Variants in UNC13C observed in about 807,000 individuals in gnomAD.
UNC13C encodes the protein protein unc-13 homolog C.
In UNC13C, 174 loss-of-function variants were observed where a neutral mutation model predicts 245.4. That is an observed-to-expected ratio of 0.71 (90% CI 0.63 to 0.80). The LOEUF (loss-of-function observed/expected upper bound fraction) is 0.80. UNC13C is among the 30% of genes least tolerant of loss of function. The probability of loss-of-function intolerance (pLI) is 0.00; values close to 1 mark genes in which losing one functional copy is unlikely to be tolerated. For missense variants in UNC13C, 2,829 were observed against 2,602.9 expected (o/e 1.09, Z -1.89); for synonymous variants, 992 against 895.1 (o/e 1.11, Z -1.93).
chr15:53,965,572 T>TTATC, the UNC13C span, among the ~76,000 whole-genome samples: 1 of 144,376 alleles, frequency 6.9e-6, no homozygotes, highest in Non-Finnish European at 1.5e-5. Flanking sequence ...ATTTATTTAT[T>TTATC]ATTATTATTA....
intron 2 of UNC13C, among the ~76,000 whole-genome samples, chr15:54,066,696 G>A (rs1898092084): frequency 6.6e-6 from 1 of 152,174 alleles, no homozygotes; most frequent in African/African-American, 2.4e-5. Flanking sequence ...TCTAGGCAGT[G>A]ATAGGCTATT....
chr15:54,218,084 T>A (rs1465169412), intron 4 of UNC13C, among the ~76,000 whole-genome samples: 1 of 151,950 alleles, frequency 6.6e-6, no homozygotes, highest in African/African-American at 2.4e-5. Context: ...AGTGGAGACA[T>A]TCCCTGTGAA....
At chr15:54,597,897 G>A (rs536059203) in intron 30 of UNC13C, among the ~76,000 whole-genome samples, 1 of 152,122 alleles carries the variant, frequency 6.6e-6, no homozygotes, top group Admixed American at 6.5e-5. Context: ...TTTCAAAATT[G>A]AGGCATTAAA....
At chr15:54,282,586 C>T (rs1175961159) in intron 10 of UNC13C, among the ~76,000 whole-genome samples, 2 of 152,068 alleles carry the variant, frequency 1.3e-5, no homozygotes, top group Admixed American at 1.3e-4. Flanking sequence ...CTTTTGTTGT[C>T]CATGGATGGT....
At chr15:54,527,533 C>A (rs1319580447) in intron 25 of UNC13C, among the ~76,000 whole-genome samples, 2 of 151,968 alleles carry the variant, frequency 1.3e-5, no homozygotes, top group East Asian at 1.9e-4. Flanking sequence ...ATGATAAGTG[C>A]TTTTTGTTTT....
intron 2 of UNC13C, among the ~76,000 whole-genome samples, chr15:54,059,816 A>G (rs975380977): frequency 3.9e-5 from 6 of 152,216 alleles, no homozygotes; most frequent in Non-Finnish European, 8.8e-5. Context: ...AATGCCTCAT[A>G]TCTACAAGTA....
At chr15:54,438,042 A>C (rs1890315677) in intron 19 of UNC13C, among the ~76,000 whole-genome samples, 1 of 151,868 alleles carries the variant, frequency 6.6e-6, no homozygotes, top group South Asian at 2.1e-4. Context: ...GGTAAAATAC[A>C]CTTCAAGTCA....
intron 17 of UNC13C, among the ~76,000 whole-genome samples, chr15:54,367,932 G>C (rs899284192): frequency 6.6e-6 from 1 of 152,122 alleles, no homozygotes; most frequent in African/African-American, 2.4e-5. Flanking sequence ...CATTTGGCTA[G>C]TGGCTACTGT....
Position 54,088,461 on chromosome 15 carries a change from G to C in UNC13C, c.2984-54557G>C, listed in dbSNP as rs138512758. 1.3e-4 allele frequency among the ~76,000 whole-genome samples: 20 copies of C among 152,258 alleles called. No individual in the cohort carries two copies. In the East Asian group the frequency reaches 3.5e-3, roughly 26 times the overall value. ...CAATGTGATTATAGATGCACTTCCA[G>C]ACAAGAGATGCTTTACATCGGATGG... is the stretch of plus-strand genomic sequence containing the variant. On this transcript the variant is annotated intron_variant, in intron 2 of 32. Coordinates refer to ENST00000260323, the MANE Select transcript of UNC13C (RefSeq NM_001080534.3).
intron 4 of UNC13C, among the ~76,000 whole-genome samples, chr15:54,204,617 G>A (rs1228638058): frequency 6.6e-6 from 1 of 151,970 alleles, no homozygotes; most frequent in Non-Finnish European, 1.5e-5. Context: ...CAAGAAAGTT[G>A]TAAAACTTTT....
At chr15:54,586,905 C>A (rs997815949) in intron 30 of UNC13C, among the ~76,000 whole-genome samples, 1 of 152,174 alleles carries the variant, frequency 6.6e-6, no homozygotes, top group Non-Finnish European at 1.5e-5. Context: ...GAAGCAGGAT[C>A]ATCCAGATAA....
intron 29 of UNC13C, 72 bp downstream of exon 29, chr15:54,555,584 T>A: frequency 8.4e-7 from 1 of 1,188,876 alleles, no homozygotes; most frequent in Non-Finnish European, 1.2e-6. Context: ...GTAGCCCTGA[T>A]CTTAGCCATG....
intron 2 of UNC13C, among the ~76,000 whole-genome samples, chr15:54,048,327 T>C (rs1443612042): frequency 6.6e-6 from 1 of 152,202 alleles, no homozygotes; most frequent in Non-Finnish European, 1.5e-5. Flanking sequence ...GTTTCCTCTT[T>C]ACCAAATGTC....
chr15:54,524,089 G>A (rs1376092387), intron 24 of UNC13C, among the ~76,000 whole-genome samples: 1 of 152,146 alleles, frequency 6.6e-6, no homozygotes, highest in Non-Finnish European at 1.5e-5. Context: ...CATATTTTAA[G>A]TCTTTTTAAA....
chr15:54,416,084 A>G (rs1364358922), intron 19 of UNC13C, among the ~76,000 whole-genome samples: 1 of 152,194 alleles, frequency 6.6e-6, no homozygotes, highest in Admixed American at 6.5e-5. Flanking sequence ...GAAGTAAGAC[A>G]GGAGAAATTA....
chr15:53,876,403 G>A, the UNC13C span, among the ~76,000 whole-genome samples: 18 of 152,260 alleles, frequency 1.2e-4, no homozygotes, highest in Non-Finnish European at 1.9e-4. Context: ...ACTGAATGCC[G>A]TGTTAATCTT....
At chr15:54,085,623 T>C (rs1899195896) in intron 2 of UNC13C, among the ~76,000 whole-genome samples, 1 of 152,088 alleles carries the variant, frequency 6.6e-6, no homozygotes, top group South Asian at 2.1e-4. Context: ...TATTTATTTA[T>C]TATTTATAGA....
chr15:54,596,480 T>G (rs1461878936), intron 30 of UNC13C, among the ~76,000 whole-genome samples: 2 of 152,184 alleles, frequency 1.3e-5, no homozygotes, highest in South Asian at 2.1e-4. Flanking sequence ...GGAGTTACCC[T>G]CTGATAAGCA....
intron 4 of UNC13C, among the ~76,000 whole-genome samples, chr15:54,164,674 T>C (rs1428585858): frequency 6.6e-6 from 1 of 152,184 alleles, no homozygotes; most frequent in Admixed American, 6.5e-5. Context: ...TAAACAATTA[T>C]GGAATGTAAA....
Sources: allele counts gnomAD v4.1 joint callset (sites outside exome capture counted in the v4.1 genomes callset), GRCh38; gene constraint gnomAD v4.1.1; transcripts MANE v1.5; gene names NCBI Gene and HGNC (gene_info 2026-07-23, HGNC 2026-07-21).